Variants in KIF6 observed in about 807,000 individuals in gnomAD.
KIF6 encodes the protein kinesin-like protein KIF6.
KIF6 carries 106 observed loss-of-function variants against 112.7 expected under a neutral mutation model. That is an observed-to-expected ratio of 0.94 (90% CI 0.80 to 1.11). The LOEUF is 1.11. KIF6 is among the 50% of genes least tolerant of loss of function. The pLI is 0.00. For missense variants in KIF6, 929 were observed against 964.0 expected, an observed-to-expected ratio of 0.96 and a Z score of 0.48; for synonymous variants, 339 against 339.9, an observed-to-expected ratio of 1.00 and a Z score of 0.03.
In KIF6 at chr6:39,414,365, G is replaced by A. The variant is rs115147375; in HGVS notation, c.1810+5583C>T. 9.3e-3 allele frequency among the ~76,000 whole-genome samples: 1,413 copies of A among 152,286 alleles called. 18 individuals are homozygous for A. Among genetic ancestry groups the A allele is most frequent in the African/African-American group, 0.028 (1,169 of 41,554 alleles). On this transcript the variant is annotated intron_variant, in intron 15 of 22. Transcript: ENST00000287152. Reference sequence around the variant, plus strand: ...TCAGTTGGAATTGTATACAGCCTGAGAATACAACCCTTCAACTCTATTCTC... The same window carrying A: ...TCAGTTGGAATTGTATACAGCCTGAAAATACAACCCTTCAACTCTATTCTC...
chr6:39,392,999 G>A (rs1241679671), intron 15 of KIF6, among the ~76,000 whole-genome samples: 1 of 152,172 alleles, frequency 6.6e-6, no homozygotes, highest in African/African-American at 2.4e-5. Context: ...TAAAATTACA[G>A]AACTTCAGGG....
In KIF6 at chr6:39,343,581, G is replaced by C. The variant is rs1763469312; in HGVS notation, c.2428+128C>G. 6 of 1,165,450 alleles carry C rather than the reference G, an allele frequency of 5.1e-6. No homozygotes were observed. In the South Asian group the frequency reaches 7.6e-5, roughly 15 times the overall value. The allele number at this position is 1,165,450 out of a possible 1,614,324, so 72.2% of individuals were successfully genotyped here. A position where few individuals can be genotyped will look rare whatever the true frequency, so the allele number is the denominator to read the frequency against. ...AGAGGCTGGGCACATGTGACTGACA[G>C]GCAGGCCAGTCCTGTGGCTTCAGGA... is the stretch of plus-strand genomic sequence containing the variant. On this transcript the variant is annotated intron_variant, in intron 22 of 22. Coordinates refer to ENST00000287152, the MANE Select transcript of KIF6 (RefSeq NM_145027.6). The surrounding 1 kb of genome is among the most constrained non-coding windows in gnomAD (Gnocchi z 4.1).
intron 13 of KIF6, among the ~76,000 whole-genome samples, chr6:39,500,041 G>A (rs374074346): frequency 3.3e-5 from 5 of 152,150 alleles, no homozygotes; most frequent in African/African-American, 1.2e-4. Context: ...TTGAAGTGGA[G>A]CATGACATCT....
intron 13 of KIF6, among the ~76,000 whole-genome samples, chr6:39,512,398 C>T (rs1376906395): frequency 6.6e-6 from 1 of 152,184 alleles, no homozygotes; most frequent in African/African-American, 2.4e-5. Flanking sequence ...TCAGTTAACT[C>T]TCTTCTCCAG....
intron 13 of KIF6, among the ~76,000 whole-genome samples, chr6:39,490,390 G>A (rs929685264): frequency 6.6e-6 from 1 of 152,210 alleles, no homozygotes; most frequent in Non-Finnish European, 1.5e-5. Context: ...CTTTATTGGT[G>A]AGTGAGATAG....
intron 1 of KIF6, 99 bp from the exon 2 acceptor site, chr6:39,720,910 C>A: frequency 3.2e-6 from 2 of 628,284 alleles, no homozygotes; most frequent in South Asian, 2.0e-5. Flanking sequence ...AAATTATACT[C>A]TTAAGATTAA....
At chr6:39,682,983 G>T (rs1041416767) in intron 3 of KIF6, among the ~76,000 whole-genome samples, 1 of 152,238 alleles carries the variant, frequency 6.6e-6, no homozygotes, top group Non-Finnish European at 1.5e-5. Flanking sequence ...TAGAGATAAG[G>T]TAACAGGCCA....
intron 16 of KIF6, among the ~76,000 whole-genome samples, chr6:39,364,700 C>T (rs1765432663): frequency 6.6e-6 from 1 of 152,176 alleles, no homozygotes; most frequent in Non-Finnish European, 1.5e-5. Context: ...CTCCATGTAC[C>T]CTATTGCTAA....
At chr6:39,670,518 A>G (rs139969979) in intron 3 of KIF6, among the ~76,000 whole-genome samples, 3 of 152,334 alleles carry the variant, frequency 2.0e-5, no homozygotes, top group East Asian at 3.9e-4. Context: ...GGGTCATCAT[A>G]CATAAAGGTC....
intron 7 of KIF6, among the ~76,000 whole-genome samples, chr6:39,590,029 C>T (rs1781846519): frequency 6.6e-6 from 1 of 152,060 alleles, no homozygotes; most frequent in African/African-American, 2.4e-5. Context: ...AGGTCATCAG[C>T]ATGGAATGAG....
intron 13 of KIF6, among the ~76,000 whole-genome samples, chr6:39,433,861 C>T (rs1209935363): frequency 1.3e-5 from 2 of 152,212 alleles, no homozygotes; most frequent in Non-Finnish European, 2.9e-5. Context: ...TGGCCCTACC[C>T]TTGCCCATCC....
At chr6:39,501,332 A>G (rs1415165907) in intron 13 of KIF6, among the ~76,000 whole-genome samples, 1 of 152,320 alleles carries the variant, frequency 6.6e-6, no homozygotes, top group East Asian at 1.9e-4. Context: ...AAGGTCAGCA[A>G]CCTCAAAGAC....
chr6:39,627,703 T>C (rs950072855), intron 5 of KIF6, among the ~76,000 whole-genome samples: 1 of 152,200 alleles, frequency 6.6e-6, no homozygotes, highest in African/African-American at 2.4e-5. Context: ...CAATACTGAA[T>C]GCTGGCATTT....
chr6:39,364,124 G>A (rs796728343), intron 16 of KIF6, among the ~76,000 whole-genome samples: 8 of 149,230 alleles, frequency 5.4e-5, no homozygotes, highest in South Asian at 4.2e-4. Flanking sequence ...ATGGAGTCTC[G>A]CACTGTCACC....
At chr6:39,622,979 T>C (rs1268616229) in intron 5 of KIF6, among the ~76,000 whole-genome samples, 3 of 152,160 alleles carry the variant, frequency 2.0e-5, no homozygotes, top group Admixed American at 1.3e-4. Flanking sequence ...GCTTGGGGTG[T>C]GGCAAGGAAC....
chr6:39,376,369 T>G (rs1766440472), intron 16 of KIF6, among the ~76,000 whole-genome samples: 1 of 152,166 alleles, frequency 6.6e-6, no homozygotes, highest in Admixed American at 6.5e-5. Context: ...CTGTGACACT[T>G]GAGGGCTGTG....
At position 39,373,036 on chromosome 6, in the gene KIF6, C is replaced by A. The variant is rs9471086; in HGVS notation, c.1862-10518G>T. ...TCCGAGATTTGCCGAGCACAGATGG[C>A]GATTTTCATCATGTGTAAAGGAAAA... On this transcript the variant is annotated intron_variant, in intron 16 of 22. Transcript: ENST00000287152. Among the ~76,000 whole-genome samples the A allele has an allele frequency of 9.8e-3, 1,485 of 152,178 alleles. 30 individuals are homozygous for A. Among genetic ancestry groups the A allele is most frequent in the African/African-American group, 0.034 (1,420 of 41,486 alleles).
intron 5 of KIF6, among the ~76,000 whole-genome samples, chr6:39,617,356 T>C (rs915365235): frequency 1.3e-5 from 2 of 152,142 alleles, no homozygotes; most frequent in Admixed American, 6.5e-5. Context: ...TTCTCAATAA[T>C]GGAAGCTATC....
intron 13 of KIF6, among the ~76,000 whole-genome samples, chr6:39,471,611 GTCA>G (rs1306605535): frequency 1.3e-5 from 2 of 152,210 alleles, no homozygotes; most frequent in African/African-American, 4.8e-5. Context: ...GATCCTCAAT[GTCA>G]TCATGAGCTG....
Sources: allele counts gnomAD v4.1 joint callset (sites outside exome capture counted in the v4.1 genomes callset), GRCh38; gene constraint gnomAD v4.1.1; non-coding constraint Gnocchi (gnomAD v3.1); transcripts MANE v1.5; gene names NCBI Gene and HGNC (gene_info 2026-07-23, HGNC 2026-07-21).